Variants in ITGB3 observed in about 807,000 individuals in gnomAD.
ITGB3 encodes the protein integrin subunit beta 3, also known as integrin beta-3.
ITGB3 carries 48 observed loss-of-function variants against 85.8 expected under a neutral mutation model. The observed-to-expected ratio is 0.56, with a 90% CI of 0.44 to 0.71. ITGB3 has a LOEUF of 0.71. Ranked by LOEUF, ITGB3 falls within the 30% of genes least tolerant of loss-of-function variation. The pLI is 0.00. For synonymous variants in ITGB3, 363 were observed against 395.6 expected, an observed-to-expected ratio of 0.92 and a Z score of 0.98; for missense variants, 861 against 1,019.1, an observed-to-expected ratio of 0.84 and a Z score of 2.11.
At chr17:47,280,216 G>C (rs952763699) in intron 2 of ITGB3, among the ~76,000 whole-genome samples, 1 of 152,222 alleles carries the variant, frequency 6.6e-6, no homozygotes, top group African/African-American at 2.4e-5. Context: ...TTCTTGCCTG[G>C]GCCAGGGTAG....
intron 12 of ITGB3, 119 bp from the exon 13 acceptor site, chr17:47,302,602 C>T: frequency 5.8e-6 from 7 of 1,217,000 alleles, no homozygotes; most frequent in Middle Eastern, 2.1e-4. Flanking sequence ...GCATCGTGCA[C>T]ATGAGGCACA....
intron 10 of ITGB3, 60 bp downstream of exon 10, chr17:47,292,628 C>G (rs1038953148): frequency 1.9e-6 from 3 of 1,559,418 alleles, no homozygotes; most frequent in Non-Finnish European, 2.6e-6. Context: ...TACCTGCAAC[C>G]ACTGGAAACA....
chr17:47,278,291 T>TA (rs1204627122), intron 2 of ITGB3, among the ~76,000 whole-genome samples: 1 of 152,102 alleles, frequency 6.6e-6, no homozygotes, highest in African/African-American at 2.4e-5. Context: ...GTGGTAACTG[T>TA]AAAAAAGAGT....
intron 1 of ITGB3, among the ~76,000 whole-genome samples, chr17:47,263,299 G>A (rs1034356547): frequency 2.6e-5 from 4 of 152,116 alleles, no homozygotes; most frequent in African/African-American, 4.8e-5. Flanking sequence ...AGCACATGGC[G>A]ACCTAATTAA....
intron 1 of ITGB3, among the ~76,000 whole-genome samples, chr17:47,262,635 G>T (rs1220123601): frequency 6.6e-6 from 1 of 152,206 alleles, no homozygotes; most frequent in African/African-American, 2.4e-5. Context: ...TTCCTGAGAA[G>T]TGAAGTGACT....
At chr17:47,260,534 C>G (rs1279103675) in intron 1 of ITGB3, among the ~76,000 whole-genome samples, 1 of 152,226 alleles carries the variant, frequency 6.6e-6, no homozygotes, top group African/African-American at 2.4e-5. Context: ...AACCCTACAT[C>G]TCTTTGCTAA....
intron 1 of ITGB3, among the ~76,000 whole-genome samples, chr17:47,258,171 C>A (rs1969269): frequency 0.085 from 12,865 of 152,182 alleles, 759 homozygotes; most frequent in East Asian, 0.25. Context: ...CTCTCTGCTG[C>A]CCACAGAGTG....
chr17:47,262,519 C>T (rs2065012042), intron 1 of ITGB3, among the ~76,000 whole-genome samples: 1 of 152,194 alleles, frequency 6.6e-6, no homozygotes, highest in Non-Finnish European at 1.5e-5. Flanking sequence ...ATGAGTCCCC[C>T]TGTTGATGTT....
rs1440990148 is a variant in ITGB3 at position 47,299,445 on chromosome 17, G to A, written c.1828G>A (p.Gly610Ser). The part of the protein sequence containing the change: ...LCSGRGKCEC[G>S]SCVCIQPGSY... Reference sequence around the variant, plus strand: ...CAGCGGCCGCGGCAAGTGTGAATGTGGCAGCTGTGTCTGTATCCAGCCGGG... The same window carrying A: ...CAGCGGCCGCGGCAAGTGTGAATGTAGCAGCTGTGTCTGTATCCAGCCGGG... The change falls in exon 11 of 15, where the codon GGC becomes AGC. Residue 610 changes from glycine to serine, a missense_variant. Transcript: ENST00000559488. The surrounding 1 kb of genome is among the most constrained non-coding windows in gnomAD (Gnocchi z 5.1). The A allele has an allele frequency of 6.2e-7, 1 of 1,614,280 alleles. No homozygotes were observed. Among genetic ancestry groups the A allele is most frequent in the African/African-American group, 1.3e-5 (1 of 75,076 alleles).
chr17:47,288,079 G>C (rs1311997727), intron 6 of ITGB3, among the ~76,000 whole-genome samples: 3 of 151,668 alleles, frequency 2.0e-5, no homozygotes, highest in South Asian at 4.2e-4. Context: ...TTGAAAACAG[G>C]GTCTTTCTAT....
chr17:47,306,767 A>T (rs1167781813), intron 13 of ITGB3, among the ~76,000 whole-genome samples: 1 of 149,196 alleles, frequency 6.7e-6, no homozygotes, highest in Non-Finnish European at 1.5e-5. Context: ...TGCAACCTCT[A>T]CCTCCCAGGT....
At chr17:47,262,764 G>A (rs752248640) in intron 1 of ITGB3, among the ~76,000 whole-genome samples, 60 of 152,252 alleles carry the variant, frequency 3.9e-4, no homozygotes, top group Admixed American at 1.5e-3. Flanking sequence ...GCCCTTTCAC[G>A]TCTGACCCTG....
intron 14 of ITGB3, 74 bp from the exon 15 acceptor site, chr17:47,310,065 A>G: frequency 7.6e-7 from 1 of 1,324,160 alleles, no homozygotes; most frequent in Non-Finnish European, 1.1e-6. Context: ...AACTTCTGAG[A>G]TGAATTTTAA....
chr17:47,264,301 G>A (rs2065018513), intron 1 of ITGB3, among the ~76,000 whole-genome samples: 1 of 152,132 alleles, frequency 6.6e-6, no homozygotes, highest in African/African-American at 2.4e-5. Flanking sequence ...TTGAAGGACT[G>A]GCTCTTTCAG....
At chr17:47,274,261 T>A (rs538785435) in intron 1 of ITGB3, among the ~76,000 whole-genome samples, 158 bp from the exon 2 acceptor site, 1 of 152,308 alleles carries the variant, frequency 6.6e-6, no homozygotes, top group Non-Finnish European at 1.5e-5. Context: ...TCCTAACCAA[T>A]AACCTGTATT....
rs2065082770 is a variant in ITGB3, at chr17:47,281,229, C to T, written c.166-2125C>T. On this transcript the variant is annotated intron_variant, in intron 2 of 14. Coordinates refer to ENST00000559488, the MANE Select transcript of ITGB3 (RefSeq NM_000212.3). ...ATATTGGTGTGGGTTATCCAGCAGA[C>T]ATTTGGAAGTGCTGGTTGGGGATGT... Among the ~76,000 whole-genome samples the T allele has an allele frequency of 2.0e-5, 3 of 151,990 alleles. No individual in the cohort carries two copies. The South Asian group carries it at 6.2e-4, about 31-fold the overall frequency.
At chr17:47,258,334 G>T (rs544595630) in intron 1 of ITGB3, among the ~76,000 whole-genome samples, 1 of 152,146 alleles carries the variant, frequency 6.6e-6, no homozygotes, top group Admixed American at 6.6e-5. Flanking sequence ...CCTATTCCCC[G>T]TGTGGGAACT....
intron 10 of ITGB3, among the ~76,000 whole-genome samples, chr17:47,297,372 G>A (rs2065149646): frequency 6.6e-6 from 1 of 152,180 alleles, no homozygotes; most frequent in South Asian, 2.1e-4. Context: ...TTGCGGCTGG[G>A]CATGGTGGAC....
chr17:47,265,335 A>G (rs1353261675), intron 1 of ITGB3, among the ~76,000 whole-genome samples: 1 of 152,206 alleles, frequency 6.6e-6, no homozygotes, highest in East Asian at 1.9e-4. Context: ...GGGTGGCATA[A>G]AACAACAGAA....
Sources: gnomAD v4.1 joint callset for allele counts (sites outside exome capture counted in the v4.1 genomes callset) on GRCh38, gnomAD v4.1.1 for gene constraint, Gnocchi (gnomAD v3.1) non-coding constraint, MANE v1.5 for transcripts, NCBI Gene and HGNC (gene_info 2026-07-23, HGNC 2026-07-21) for gene names.